TET3: variants seen among roughly 807,000 people sequenced by gnomAD.
TET3 encodes methylcytosine dioxygenase TET3.
In TET3, 19 loss-of-function variants were observed where a neutral mutation model predicts 141.4. That is an observed-to-expected ratio of 0.13 (90% CI 0.09 to 0.20). TET3 has a LOEUF of 0.20. Ranked by LOEUF, TET3 falls within the 10% of genes least tolerant of loss-of-function variation. TET3 has a pLI of 1.00. For missense variants in TET3, 1,874 were observed against 2,356.9 expected, an observed-to-expected ratio of 0.80 and a Z score of 4.24; for synonymous variants, 1,043 against 980.9, an observed-to-expected ratio of 1.06 and a Z score of -1.18.
chr2:74,132,544 C>T, the TET3 span, among the ~76,000 whole-genome samples: 1 of 152,158 alleles, frequency 6.6e-6, no homozygotes, highest in Non-Finnish European at 1.5e-5. Flanking sequence ...CATGTCACCA[C>T]AACTGGCATT....
chr2:73,986,727 C>T, intron 2 of TET3, 21 bp downstream of exon 2: 2 of 1,231,776 alleles, frequency 1.6e-6, no homozygotes, highest in South Asian at 4.1e-5. Context: ...CCTTGCTGGG[C>T]TACCCTGTTC....
chr2:74,028,265 T>G lies in TET3; in HGVS notation c.361-18013T>G, dbSNP rs183893271. Among the ~76,000 whole-genome samples the G allele has an allele frequency of 1.3e-3, 201 of 151,982 alleles. 2 individuals carry two copies. The highest frequency in any genetic ancestry group is 1.8e-3 in the Non-Finnish European group (120 of 67,958). The stretch of plus-strand genomic sequence containing the variant: ...CACCCAAAGTGCTGGAATTACAGAT[T>G]TGAGTTACCATGCCTAGCCGTTTTT... On this transcript the variant is annotated intron_variant, in intron 3 of 11. Coordinates refer to ENST00000409262, the MANE Select transcript of TET3 (RefSeq NM_001287491.2).
chr2:74,097,563 A>G (rs1408421425), intron 10 of TET3, among the ~76,000 whole-genome samples: 1 of 152,158 alleles, frequency 6.6e-6, no homozygotes, highest in East Asian at 1.9e-4. Context: ...CTCGGGGGCT[A>G]CTCAGGGGAG....
At position 74,102,084 on chromosome 2, in the gene TET3, C is replaced by T; in HGVS notation, c.5296C>T (p.Arg1766Trp). 2.7e-6 allele frequency: 4 copies of T among 1,506,764 alleles called. No individual in the cohort carries two copies. Among genetic ancestry groups the T allele is most frequent in the Non-Finnish European group, 2.7e-6 (3 of 1,129,208 alleles). 93.3% of individuals were successfully genotyped at this position (1,506,764 alleles called of 1,614,324 possible). A position where few individuals can be genotyped will look rare whatever the true frequency, so the allele number is the denominator to read the frequency against. ...QKEKKGVVPT[R>W]QALAVPTDSA... ...AGAGAAGAAGGGGGTCGTCCCCACC[C>T]GGCAGGCACTGGCTGTGCCCACAGA... The change falls in exon 12 of 12, where the codon CGG becomes TGG. Residue 1766 changes from arginine to tryptophan, a missense_variant. Physicochemically the swap from Arg to Trp is moderately radical, Grantham distance 101. Around this residue, in one of 10 missense-constraint regions of TET3, gnomAD observed 113 missense variants for 114.3 expected, o/e 0.99. Coordinates refer to ENST00000409262, the MANE Select transcript of TET3 (RefSeq NM_001287491.2).
At chr2:74,064,556 C>T (rs939474431) in intron 4 of TET3, among the ~76,000 whole-genome samples, 1 of 152,120 alleles carries the variant, frequency 6.6e-6, no homozygotes, top group African/African-American at 2.4e-5. Context: ...TGCGTGCCAC[C>T]ACGCCTGCCT....
intron 3 of TET3, among the ~76,000 whole-genome samples, chr2:74,029,873 A>G (rs35018072): frequency 0.02 from 3,027 of 152,268 alleles, 98 homozygotes; most frequent in African/African-American, 0.068. Flanking sequence ...TCACTTGGAG[A>G]TAAAGTCACT....
rs186169735 is a variant in TET3 at position 74,106,689 on chromosome 2, T to C, written c.*4513T>C. ...TTCTTCTTGGGTCCACAGAAGTTGA[T>C]GTTTTAAAAACTCACCAGGAAGCTC... On this transcript the variant is annotated 3_prime_UTR_variant, in exon 12 of 12. Transcript: ENST00000409262. The C allele has an allele frequency of 9.1e-5, 14 of 153,932 alleles. No individual in the cohort carries two copies. The East Asian group carries it at 2.5e-3, about 28-fold the overall frequency. 9.5% of individuals were successfully genotyped at this position (153,932 alleles called of 1,614,324 possible). A position where few individuals can be genotyped will look rare whatever the true frequency, so the allele number is the denominator to read the frequency against.
At chr2:74,050,169 G>A (rs547237245) in intron 4 of TET3, among the ~76,000 whole-genome samples, 20 of 152,308 alleles carry the variant, frequency 1.3e-4, no homozygotes, top group African/African-American at 4.6e-4. Context: ...GATATTATGT[G>A]TGGTCAAACT....
At chr2:74,097,412 A>C (rs528152424) in intron 10 of TET3, among the ~76,000 whole-genome samples, 1 of 152,366 alleles carries the variant, frequency 6.6e-6, no homozygotes, top group African/African-American at 2.4e-5. Flanking sequence ...TAAAACTCGC[A>C]AAAGAAGGAA....
chr2:74,102,127 C>G lies in TET3; in HGVS notation c.5339C>G (p.Ser1780Cys). Residue 1780 changes from serine to cysteine, a missense_variant, in exon 12 of 12, where the codon TCC becomes TGC. Coordinates refer to ENST00000409262, the MANE Select transcript of TET3 (RefSeq NM_001287491.2). Reference sequence around the variant, plus strand: ...CCCACAGACTCGGCGGTCACCGTGTCCTCCTATGCCTACACGAAGGTCACT... The same window carrying G: ...CCCACAGACTCGGCGGTCACCGTGTGCTCCTATGCCTACACGAAGGTCACT... ...AVPTDSAVTV[S>C]SYAYTKVTGP... The G allele has an allele frequency of 1.3e-6, 2 of 1,483,644 alleles. No homozygotes were observed. The highest frequency in any genetic ancestry group is 1.8e-6 in the Non-Finnish European group (2 of 1,116,806). The allele number at this position is 1,483,644 out of a possible 1,614,324, so 91.9% of individuals were successfully genotyped here. A position where few individuals can be genotyped will look rare whatever the true frequency, so the allele number is the denominator to read the frequency against.
At chr2:74,050,623 C>T (rs887302668) in intron 4 of TET3, among the ~76,000 whole-genome samples, 2 of 152,128 alleles carry the variant, frequency 1.3e-5, no homozygotes, top group Non-Finnish European at 2.9e-5. Flanking sequence ...GATCTCTGCT[C>T]ACTGTAGCCT....
Position 74,047,827 on chromosome 2 carries a change from C to T in TET3, c.1910C>T (p.Ser637Phe), listed in dbSNP as rs1687725845. Residue 637 changes from serine to phenylalanine, a missense_variant, in exon 4 of 12, where the codon TCC (serine) becomes TTC (phenylalanine). Coordinates refer to ENST00000409262, the MANE Select transcript of TET3 (RefSeq NM_001287491.2). ...IVLEGLRSPA[S>F]QEVQAHPPAP... The stretch of plus-strand genomic sequence containing the variant: ...CTGGAAGGGCTTAGGTCCCCAGCCT[C>T]CCAGGAAGTGCAGGCTCATCCACCG... 3 of 1,613,106 alleles carry T rather than the reference C, an allele frequency of 1.9e-6. No individual in the cohort carries two copies. Among genetic ancestry groups the T allele is most frequent in the South Asian group, 1.1e-5 (1 of 90,952 alleles).
intron 4 of TET3, among the ~76,000 whole-genome samples, chr2:74,057,109 A>C (rs1194420490): frequency 6.6e-6 from 1 of 152,216 alleles, no homozygotes; most frequent in African/African-American, 2.4e-5. Flanking sequence ...CTGGCTTTGT[A>C]GCTGAGGGCC....
In TET3 at chr2:74,103,654, T is replaced by A. The variant is rs1022790505; in HGVS notation, c.*1478T>A. The A allele has an allele frequency of 6.5e-6, 1 of 152,858 alleles. No homozygotes were observed. Among genetic ancestry groups the A allele is most frequent in the Non-Finnish European group, 1.5e-5 (1 of 68,044 alleles). The allele number at this position is 152,858 out of a possible 1,614,324, so 9.5% of individuals were successfully genotyped here. A position where few individuals can be genotyped will look rare whatever the true frequency, so the allele number is the denominator to read the frequency against. On this transcript the variant is annotated 3_prime_UTR_variant, in exon 12 of 12. Coordinates refer to ENST00000409262, the MANE Select transcript of TET3 (RefSeq NM_001287491.2). ...TTCTTTGAAATGAGAATGTGGTGCT[T>A]AATTTTTGTGACGTTGTCGAGAGAG...
intron 3 of TET3, among the ~76,000 whole-genome samples, chr2:74,015,204 A>G (rs909644889): frequency 1.3e-5 from 2 of 152,214 alleles, no homozygotes; most frequent in East Asian, 3.8e-4. Flanking sequence ...CGTGATGGTC[A>G]GGAGAAAGGG....
At chr2:74,075,582 G>C (rs530408050) in intron 5 of TET3, among the ~76,000 whole-genome samples, 1 of 152,176 alleles carries the variant, frequency 6.6e-6, no homozygotes, top group South Asian at 2.1e-4. Context: ...GCCCACGTTG[G>C]CCTCCCAAAG....
intron 3 of TET3, among the ~76,000 whole-genome samples, chr2:74,026,953 G>A (rs879278049): frequency 2.6e-5 from 4 of 152,162 alleles, no homozygotes; most frequent in Non-Finnish European, 5.9e-5. Context: ...CACTCCTACT[G>A]TCCCCTGCAG....
intron 4 of TET3, among the ~76,000 whole-genome samples, chr2:74,068,151 T>A (rs1272043180): frequency 6.6e-6 from 1 of 152,116 alleles, no homozygotes; most frequent in African/African-American, 2.4e-5. Context: ...GTCATCTGCC[T>A]GGCTGCACAC....
intron 3 of TET3, among the ~76,000 whole-genome samples, chr2:74,012,801 T>C (rs1020838311): frequency 7.5e-4 from 114 of 152,326 alleles, no homozygotes; most frequent in African/African-American, 2.6e-3. Flanking sequence ...TGAGGTCTTC[T>C]GGTTGTTGGT....
Sources: gnomAD v4.1 joint callset for allele counts (sites outside exome capture counted in the v4.1 genomes callset) on GRCh38, gnomAD v4.1.1 for gene constraint, gnomAD v4.1.1 regional missense constraint, MANE v1.5 for transcripts, NCBI Gene and HGNC (gene_info 2026-07-23, HGNC 2026-07-21) for gene names.